The following ZNF721 variants were observed in gnomAD, a reference collection of about 807,000 sequenced individuals.
The protein encoded by ZNF721 is zinc finger protein 721.
In ZNF721, 2 loss-of-function variants were observed where a neutral mutation model predicts 2.4. That is an observed-to-expected ratio of 0.82 (90% CI 0.34 to 2.58). The LOEUF is 2.58. Among genes scored for constraint, ZNF721 ranks in the 30% most tolerant of loss-of-function variants. ZNF721 has a pLI of 0.11. For synonymous variants in ZNF721, 398 were observed against 381.8 expected, an observed-to-expected ratio of 1.04 and a Z score of -0.50; for missense variants, 1,187 against 1,085.5, an observed-to-expected ratio of 1.09 and a Z score of -1.31.
chr4:454,874 G>A (rs566035055), intron 2 of ZNF721, among the ~76,000 whole-genome samples: 1 of 152,158 alleles, frequency 6.6e-6, no homozygotes, highest in South Asian at 2.1e-4. Context: ...ATAGACAATT[G>A]CAAAAACAAG....
Position 441,825 on chromosome 4 carries a change from TAA to T in ZNF721, c.2640_2641del (p.Tyr881CysfsTer3). The T allele has an allele frequency of 1.2e-6, 2 of 1,614,042 alleles. No homozygotes were observed. Among genetic ancestry groups the T allele is most frequent in the Non-Finnish European group, 8.5e-7 (1 of 1,180,018 alleles). ...TCCAGTATGAATTTTCTTATGCGCATAAAGATTTGCAGACTGTCTAAAGGTTT... is the reference window on the plus strand; with the variant it reads ...TCCAGTATGAATTTTCTTATGCGCATAGATTTGCAGACTGTCTAAAGGTTT... On this transcript the variant is annotated frameshift_variant, in exon 3 of 3. Coordinates refer to ENST00000511833, the MANE Select transcript of ZNF721 (RefSeq NM_133474.4). LOFTEE classifies it low-confidence loss of function (END_TRUNC).
At chr4:470,605 T>C (rs775247309) in intron 2 of ZNF721, among the ~76,000 whole-genome samples, 1 of 151,994 alleles carries the variant, frequency 6.6e-6, no homozygotes, top group African/African-American at 2.4e-5. Context: ...TCCCAGCTAC[T>C]TGGGAGGCTG....
At chr4:457,481 C>T (rs1714882977) in intron 2 of ZNF721, among the ~76,000 whole-genome samples, 1 of 152,118 alleles carries the variant, frequency 6.6e-6, no homozygotes, top group South Asian at 2.1e-4. Context: ...TAGCTGTAGA[C>T]CATTTGGTTT....
intron 1 of ZNF721, among the ~76,000 whole-genome samples, chr4:473,247 C>G (rs1190653483): frequency 1.3e-5 from 2 of 152,112 alleles, no homozygotes; most frequent in African/African-American, 2.4e-5. Context: ...TGAAAAGAGT[C>G]CATGAGTTAG....
chr4:464,468 C>CAAAAAAAAAAAAAAAAAAAA, intron 2 of ZNF721, among the ~76,000 whole-genome samples: 1 of 78,034 alleles, frequency 1.3e-5, no homozygotes, highest in Non-Finnish European at 2.6e-5. Flanking sequence ...GACTCCACCT[C>CAAAAAAAAAAAAAAAAAAAA]AAAAAAAAAA....
chr4:466,624 G>C (rs1715260944), intron 2 of ZNF721, among the ~76,000 whole-genome samples: 1 of 152,092 alleles, frequency 6.6e-6, no homozygotes, highest in Non-Finnish European at 1.5e-5. Flanking sequence ...TCCTGTTTCT[G>C]TAGAAATTTC....
At chr4:444,573 TAAC>T in intron 2 of ZNF721, 141 bp from the exon 3 acceptor site, 1 of 876,074 alleles carries the variant, frequency 1.1e-6, no homozygotes, top group South Asian at 2.0e-5. Flanking sequence ...CATATACATG[TAAC>T]AAACATATGG....
intron 1 of ZNF721, among the ~76,000 whole-genome samples, chr4:496,460 C>A (rs948088999): frequency 2.6e-5 from 4 of 152,166 alleles, no homozygotes; most frequent in Non-Finnish European, 5.9e-5. Flanking sequence ...ATGTCTTAGG[C>A]AGCATTCCTC....
intron 2 of ZNF721, among the ~76,000 whole-genome samples, chr4:451,812 G>A (rs1553864891): frequency 6.6e-6 from 1 of 152,194 alleles, no homozygotes; most frequent in Non-Finnish European, 1.5e-5. Flanking sequence ...GGACTGGGCT[G>A]GGAGGTTGGG....
chr4:488,530 G>A (rs1715949034), intron 1 of ZNF721, among the ~76,000 whole-genome samples: 2 of 152,134 alleles, frequency 1.3e-5, no homozygotes. Flanking sequence ...TTTACTGTAT[G>A]ATATTTAAAA....
chr4:465,934 T>C (rs1553866727), intron 2 of ZNF721, among the ~76,000 whole-genome samples: 2 of 151,638 alleles, frequency 1.3e-5, no homozygotes, highest in African/African-American at 4.8e-5. Context: ...CAGAAAACAA[T>C]GAACAAAATG....
At chr4:492,524 T>C (rs1297566276) in intron 1 of ZNF721, among the ~76,000 whole-genome samples, 1 of 151,876 alleles carries the variant, frequency 6.6e-6, no homozygotes, top group Non-Finnish European at 1.5e-5. Flanking sequence ...TAATTTAGTG[T>C]ATAAGTGTTT....
At chr4:465,967 C>T (rs1371371678) in intron 2 of ZNF721, among the ~76,000 whole-genome samples, 2 of 151,520 alleles carry the variant, frequency 1.3e-5, no homozygotes, top group Non-Finnish European at 2.9e-5. Flanking sequence ...TATTTCTCTG[C>T]CTTTTATCTT....
intron 2 of ZNF721, among the ~76,000 whole-genome samples, chr4:472,002 T>A (rs1392858567): frequency 6.6e-6 from 1 of 152,224 alleles, no homozygotes; most frequent in Non-Finnish European, 1.5e-5. Context: ...TGAAGCAATG[T>A]TGCTATATAC....
intron 2 of ZNF721, among the ~76,000 whole-genome samples, chr4:453,124 G>A (rs938920067): frequency 6.6e-6 from 1 of 152,198 alleles, no homozygotes; most frequent in Non-Finnish European, 1.5e-5. Context: ...GGTGGCACTC[G>A]ACGCTAGAAG....
At chr4:462,876 T>C (rs957250532) in intron 2 of ZNF721, among the ~76,000 whole-genome samples, 1 of 152,062 alleles carries the variant, frequency 6.6e-6, no homozygotes, top group Non-Finnish European at 1.5e-5. Flanking sequence ...CCAAAAGCAA[T>C]GGCAACAAAA....
In ZNF721 at chr4:444,392, C is replaced by T. The variant is rs781995746; in HGVS notation, c.75G>A (p.Gln25=). Residue 25 remains glutamine (Q), a synonymous_variant, in exon 3 of 3, where the codon CAG becomes CAA. Coordinates refer to ENST00000511833, the MANE Select transcript of ZNF721 (RefSeq NM_133474.4). ...SHFTQDFLPV[Q]GIEDSFHKLI... ...GTTTGTGGAATGAATCTTCTATCCC[C>T]TGCACTGGCAAAAAGTCTTGGGTGA... 6.3e-7 allele frequency: 1 copy of T among 1,599,136 alleles called. No individual in the cohort carries two copies. Among genetic ancestry groups the T allele is most frequent in the African/African-American group, 1.3e-5 (1 of 74,120 alleles).
At chr4:496,925 G>C (rs2108727054) in intron 1 of ZNF721, among the ~76,000 whole-genome samples, 2 of 151,472 alleles carry the variant, frequency 1.3e-5, no homozygotes, top group South Asian at 4.2e-4. Flanking sequence ...TGTTAGCCAG[G>C]ATGGTCTCGA....
At chr4:492,661 C>A (rs1216368718) in intron 1 of ZNF721, among the ~76,000 whole-genome samples, 1 of 146,308 alleles carries the variant, frequency 6.8e-6, no homozygotes, top group Admixed American at 6.8e-5. Flanking sequence ...ACAGAACATT[C>A]ATGACATGTT....
Sources: allele counts gnomAD v4.1 joint callset (sites outside exome capture counted in the v4.1 genomes callset), GRCh38; gene constraint gnomAD v4.1.1; transcripts MANE v1.5; gene names NCBI Gene and HGNC (gene_info 2026-07-23, HGNC 2026-07-21).